Variants in ERCC6L2 observed in about 807,000 individuals in gnomAD.
The protein encoded by ERCC6L2 is DNA excision repair protein ERCC-6-like 2.
ERCC6L2 carries 77 observed loss-of-function variants against 132.0 expected under a neutral mutation model. That is an observed-to-expected ratio of 0.58 (90% CI 0.49 to 0.71). The LOEUF (loss-of-function observed/expected upper bound fraction) is 0.71, where lower values mean the gene tolerates loss of function less well. Among genes scored for constraint, ERCC6L2 ranks in the 30% least tolerant of loss-of-function variants. The pLI is 0.00. For synonymous variants in ERCC6L2, 583 were observed against 632.4 expected (o/e 0.92, Z 1.17); for missense variants, 1,542 against 1,837.6 (o/e 0.84, Z 2.94).
intron 3 of ERCC6L2, among the ~76,000 whole-genome samples, chr9:95,900,158 G>T (rs973105772): frequency 1.4e-4 from 21 of 152,110 alleles, no homozygotes; most frequent in Admixed American, 1.3e-4. Context: ...GGCTGATGCT[G>T]GAGGATCGCC....
intron 16 of ERCC6L2, among the ~76,000 whole-genome samples, chr9:95,974,783 G>A (rs185561817): frequency 3.0e-4 from 45 of 151,634 alleles, no homozygotes; most frequent in South Asian, 2.5e-3. Context: ...GTATGTATAC[G>A]TATATTTGTG....
chr9:95,881,905 C>G (rs886716391), intron 2 of ERCC6L2, among the ~76,000 whole-genome samples: 7 of 152,232 alleles, frequency 4.6e-5, no homozygotes, highest in Non-Finnish European at 1.0e-4. Context: ...CATGTATTGT[C>G]TCACAGTTTC....
Position 95,969,903 on chromosome 9 carries a change from C to T in ERCC6L2, c.2101-673C>T, listed in dbSNP as rs995467738. On this transcript the variant is annotated intron_variant, in intron 14 of 18. Coordinates refer to ENST00000653738, the MANE Select transcript of ERCC6L2 (RefSeq NM_020207.7). ...CTCCTTGCTCTGTCAACAAATATAG[C>T]CTTAAAAAGAGAATTGATTTCCTTT... 1.6e-4 allele frequency among the ~76,000 whole-genome samples: 25 copies of T among 152,180 alleles called. 1 individual carries two copies. The highest frequency in any genetic ancestry group is 8.8e-5 in the Non-Finnish European group (6 of 67,998).
chr9:95,883,988 G>C lies in ERCC6L2; in HGVS notation c.471+2695G>C, dbSNP rs911270916. 2.6e-5 allele frequency among the ~76,000 whole-genome samples: 4 copies of C among 152,192 alleles called. No individual in the cohort carries two copies. In the East Asian group the frequency reaches 7.7e-4, roughly 29 times the overall value. On this transcript the variant is annotated intron_variant, in intron 2 of 18. Transcript: ENST00000653738. Reference sequence around the variant, plus strand: ...CATTTTAGTCTCAAATTTGAAGGCTGTCTTTCATCTCTGAGGCCCATGTTA... The same window carrying C: ...CATTTTAGTCTCAAATTTGAAGGCTCTCTTTCATCTCTGAGGCCCATGTTA...
intron 17 of ERCC6L2, among the ~76,000 whole-genome samples, chr9:96,003,102 T>G (rs1366531354): frequency 6.6e-6 from 1 of 152,196 alleles, no homozygotes; most frequent in Admixed American, 6.5e-5. Context: ...CTGCTATGTG[T>G]TTATTCATTC....
chr9:95,969,388 C>G lies in ERCC6L2; in HGVS notation c.2101-1188C>G, dbSNP rs571472221. On this transcript the variant is annotated intron_variant, in intron 14 of 18. Transcript: ENST00000653738. The stretch of plus-strand genomic sequence containing the variant: ...CAGTAATCCAGCTGAGAGATGATGT[C>G]GGCTTGAGCCAGGGTGATTGTGGTG... 2.0e-5 allele frequency among the ~76,000 whole-genome samples: 3 copies of G among 152,228 alleles called. No homozygotes were observed. The South Asian group carries it at 6.2e-4, about 32-fold the overall frequency.
intron 12 of ERCC6L2, among the ~76,000 whole-genome samples, chr9:95,947,590 C>T (rs1016473218): frequency 1.3e-5 from 2 of 152,128 alleles, no homozygotes; most frequent in Non-Finnish European, 2.9e-5. Context: ...ACAAAACAAC[C>T]TTATATTGGA....
chr9:95,994,030 T>C, intron 17 of ERCC6L2, among the ~76,000 whole-genome samples: 1 of 152,212 alleles, frequency 6.6e-6, no homozygotes, highest in East Asian at 1.9e-4. Context: ...TCTTGTTGAG[T>C]ATTGGAAAAC....
chr9:95,910,478 A>G (rs1398687094), intron 4 of ERCC6L2, among the ~76,000 whole-genome samples: 1 of 152,166 alleles, frequency 6.6e-6, no homozygotes, highest in Non-Finnish European at 1.5e-5. Flanking sequence ...GTTGATGGAC[A>G]TTTGAATTGT....
chr9:96,001,091 A>C (rs186364754), intron 17 of ERCC6L2, among the ~76,000 whole-genome samples: 2 of 151,096 alleles, frequency 1.3e-5, no homozygotes, highest in Non-Finnish European at 2.9e-5. Context: ...GGAGTTGTTC[A>C]TTCCTCCCGG....
chr9:95,887,030 T>C (rs1254998833), intron 2 of ERCC6L2, among the ~76,000 whole-genome samples: 1 of 152,222 alleles, frequency 6.6e-6, no homozygotes, highest in Non-Finnish European at 1.5e-5. Flanking sequence ...AGACATGCTA[T>C]TGTGGCACTT....
chr9:95,993,946 A>G (rs1030052262), intron 17 of ERCC6L2, among the ~76,000 whole-genome samples: 4 of 152,202 alleles, frequency 2.6e-5, no homozygotes, highest in Admixed American at 2.6e-4. Context: ...TTTGTGGTGG[A>G]TCCTCTGACC....
At chr9:95,959,027 C>G (rs1439946940) in intron 13 of ERCC6L2, among the ~76,000 whole-genome samples, 1 of 151,912 alleles carries the variant, frequency 6.6e-6, no homozygotes, top group Admixed American at 6.6e-5. Context: ...GAAAAAACTA[C>G]TTTAAAGTTC....
At position 95,980,082 on chromosome 9, in the gene ERCC6L2, T is replaced by C. The variant is rs918717812; in HGVS notation, c.3492+1867T>C. Among the ~76,000 whole-genome samples the C allele has an allele frequency of 4.6e-5, 7 of 152,206 alleles. No homozygotes were observed. The East Asian group carries it at 1.3e-3, about 29-fold the overall frequency. ...CATATAATTTCTGCAACAATTGATC[T>C]GAGAAGCAACCTGTTTCTTAAGCAA... is the stretch of plus-strand genomic sequence containing the variant. On this transcript the variant is annotated intron_variant, in intron 17 of 18. Transcript: ENST00000653738.
chr9:95,918,220 G>A, intron 6 of ERCC6L2: 1 of 463,296 alleles, frequency 2.2e-6, no homozygotes, highest in Non-Finnish European at 4.3e-6. Flanking sequence ...GATGAGACAA[G>A]CTGAGATTAA....
At chr9:95,876,163 G>A in intron 1 of ERCC6L2, 79 bp downstream of exon 1, 1 of 1,402,012 alleles carries the variant, frequency 7.1e-7, no homozygotes, top group Non-Finnish European at 9.8e-7. Flanking sequence ...GGTGCCCTTC[G>A]GGTTGGGGTT....
At chr9:95,958,014 C>T (rs2133001049) in intron 13 of ERCC6L2, among the ~76,000 whole-genome samples, 1 of 144,024 alleles carries the variant, frequency 6.9e-6, no homozygotes, top group East Asian at 2.1e-4. Flanking sequence ...TCTCCTAATG[C>T]TATCCCTCCC....
At chr9:95,978,303 A>G in intron 17 of ERCC6L2, 88 bp downstream of exon 17, 1 of 826,800 alleles carries the variant, frequency 1.2e-6, no homozygotes, top group Non-Finnish European at 1.6e-6. Context: ...TACTCCCTCA[A>G]AAGTAGCAAC....
intron 1 of ERCC6L2, among the ~76,000 whole-genome samples, chr9:95,877,454 G>A (rs2132492962): frequency 6.6e-6 from 1 of 151,894 alleles, no homozygotes; most frequent in East Asian, 1.9e-4. Flanking sequence ...TTCCAATGCA[G>A]TTTTTACAGT....
Sources: gnomAD v4.1 joint callset for allele counts (sites outside exome capture counted in the v4.1 genomes callset) on GRCh38, gnomAD v4.1.1 for gene constraint, MANE v1.5 for transcripts, NCBI Gene and HGNC (gene_info 2026-07-23, HGNC 2026-07-21) for gene names.